GTF2F2: variants seen among roughly 807,000 people sequenced by gnomAD.
GTF2F2 encodes ATP-dependent helicase GTF2F2.
GTF2F2 carries 23 observed loss-of-function variants against 42.2 expected under a neutral mutation model. The ratio of observed to expected loss-of-function variants is 0.55; its 90% confidence interval spans 0.39 to 0.77. The LOEUF (loss-of-function observed/expected upper bound fraction) is 0.77. Among genes scored for constraint, GTF2F2 ranks in the 30% least tolerant of loss-of-function variants. GTF2F2 has a pLI of 0.00. For synonymous variants in GTF2F2, 105 were observed against 100.8 expected (o/e 1.04, Z -0.25); for missense variants, 261 against 287.2 (o/e 0.91, Z 0.66).
intron 1 of GTF2F2, among the ~76,000 whole-genome samples, chr13:45,132,272 G>A (rs181334609): frequency 9.9e-5 from 15 of 152,278 alleles, no homozygotes; most frequent in Admixed American, 5.2e-4. Context: ...TCTCACTGGC[G>A]ATAGTCAAGG....
intron 5 of GTF2F2, among the ~76,000 whole-genome samples, chr13:45,228,641 C>T (rs1874499545): frequency 6.7e-6 from 1 of 148,798 alleles, no homozygotes; most frequent in African/African-American, 2.6e-5. Flanking sequence ...TATCTCGCCT[C>T]ATTCTCCTTA....
At chr13:45,160,587 G>A (rs1203481148) in intron 4 of GTF2F2, among the ~76,000 whole-genome samples, 1 of 152,110 alleles carries the variant, frequency 6.6e-6, no homozygotes, top group East Asian at 1.9e-4. Context: ...TTTGAATGTT[G>A]ACACGTTTCA....
At chr13:45,161,503 C>G (rs751376897) in intron 4 of GTF2F2, among the ~76,000 whole-genome samples, 1 of 152,068 alleles carries the variant, frequency 6.6e-6, no homozygotes, top group South Asian at 2.1e-4. Flanking sequence ...GAACCTCATG[C>G]GTAACACTGA....
chr13:45,157,135 G>C (rs1566117423), intron 4 of GTF2F2, among the ~76,000 whole-genome samples: 1 of 152,182 alleles, frequency 6.6e-6, no homozygotes. Context: ...TAGCCATGTG[G>C]AGTGAGTTAG....
At chr13:45,238,100 C>T (rs1269237852) in intron 5 of GTF2F2, among the ~76,000 whole-genome samples, 3 of 152,116 alleles carry the variant, frequency 2.0e-5, no homozygotes, top group South Asian at 4.1e-4. Context: ...ATTACAGGTG[C>T]ACACCGCTGC....
chr13:45,121,394 T>C (rs1593438782), intron 1 of GTF2F2, among the ~76,000 whole-genome samples: 1 of 152,264 alleles, frequency 6.6e-6, no homozygotes, highest in East Asian at 1.9e-4. Flanking sequence ...GGGAGTTTCA[T>C]AATACTTAAG....
rs755893731 is a variant in GTF2F2 at position 45,207,490 on chromosome 13, A to G, written c.371A>G (p.Tyr124Cys). The change falls in exon 5 of 8, where the codon TAC (tyrosine) becomes TGC (cysteine). Residue 124 changes from tyrosine (Y) to cysteine (C), a missense_variant. Physicochemically the swap from Tyr to Cys is radical, Grantham distance 194. Coordinates refer to ENST00000340473, the MANE Select transcript of GTF2F2 (RefSeq NM_004128.3). ...AECRPAASEN[Y>C]MRLKRLQIEE... ...TGCCGACCAGCTGCCAGTGAAAACT[A>G]CATGCGATTAAAAAGGTTGGTGTTT... is the stretch of plus-strand genomic sequence containing the variant. 3.1e-6 allele frequency: 5 copies of G among 1,606,238 alleles called. No individual in the cohort carries two copies. In the South Asian group the frequency reaches 5.5e-5, roughly 18 times the overall value.
intron 3 of GTF2F2, among the ~76,000 whole-genome samples, chr13:45,150,841 G>A (rs1279448747): frequency 1.3e-5 from 2 of 151,826 alleles, no homozygotes; most frequent in Non-Finnish European, 2.9e-5. Flanking sequence ...ACTGCGCCCA[G>A]CCAGAAAAAA....
intron 1 of GTF2F2, among the ~76,000 whole-genome samples, chr13:45,135,689 T>C (rs1869584587): frequency 6.6e-6 from 1 of 152,212 alleles, no homozygotes; most frequent in Non-Finnish European, 1.5e-5. Context: ...AGTGGTCAAG[T>C]CGTGTTTTTT....
intron 4 of GTF2F2, among the ~76,000 whole-genome samples, chr13:45,196,373 C>T (rs1872891149): frequency 2.0e-5 from 3 of 152,302 alleles, no homozygotes; most frequent in Non-Finnish European, 4.4e-5. Flanking sequence ...ATAAGACTTA[C>T]TCTTATATTC....
intron 5 of GTF2F2, among the ~76,000 whole-genome samples, chr13:45,245,854 T>C (rs188660059): frequency 0.027 from 3,730 of 137,508 alleles, 179 homozygotes; most frequent in African/African-American, 0.091. Context: ...GGCAGGAGAA[T>C]GGCGTGAACC....
chr13:45,243,658 TG>T (rs1355726575), intron 5 of GTF2F2, among the ~76,000 whole-genome samples: 1 of 152,182 alleles, frequency 6.6e-6, no homozygotes, highest in African/African-American at 2.4e-5. Context: ...TTGTTGTTTT[TG>T]GGTTTTTTGT....
At chr13:45,178,369 A>T (rs1369276156) in intron 4 of GTF2F2, among the ~76,000 whole-genome samples, 2 of 145,004 alleles carry the variant, frequency 1.4e-5, no homozygotes, top group Non-Finnish European at 1.5e-5. Flanking sequence ...TAGATGTCTT[A>T]TGTGGTTCTT....
intron 5 of GTF2F2, among the ~76,000 whole-genome samples, chr13:45,248,428 TTTTTTGTTTTTTTG>T (rs1445820792): frequency 2.0e-5 from 3 of 151,988 alleles, no homozygotes; most frequent in Admixed American, 6.6e-5. Flanking sequence ...TTTTGTTTTG[TTTTTTGTTTTTTTG>T]TTTTTGTTTT....
chr13:45,195,314 C>T, intron 4 of GTF2F2, among the ~76,000 whole-genome samples: 1 of 151,744 alleles, frequency 6.6e-6, no homozygotes, highest in African/African-American at 2.4e-5. Flanking sequence ...ATAGGCTTTA[C>T]AGTAATCACT....
intron 5 of GTF2F2, among the ~76,000 whole-genome samples, chr13:45,220,553 G>A (rs1404117398): frequency 6.6e-6 from 1 of 152,062 alleles, no homozygotes; most frequent in Non-Finnish European, 1.5e-5. Context: ...GATAAAGAGT[G>A]GAGGGAGGGC....
intron 4 of GTF2F2, among the ~76,000 whole-genome samples, chr13:45,199,433 G>A (rs541096450): frequency 1.1e-4 from 17 of 152,292 alleles, no homozygotes; most frequent in African/African-American, 4.1e-4. Flanking sequence ...TGTTTTACAT[G>A]TACTTTGGAA....
chr13:45,185,452 T>C (rs1397837244), intron 4 of GTF2F2, among the ~76,000 whole-genome samples: 2 of 152,236 alleles, frequency 1.3e-5, no homozygotes, highest in East Asian at 3.8e-4. Flanking sequence ...TGTAAGCACA[T>C]GTAGACTTAC....
intron 4 of GTF2F2, among the ~76,000 whole-genome samples, chr13:45,164,933 C>T (rs950553705): frequency 1.3e-5 from 2 of 152,174 alleles, no homozygotes; most frequent in African/African-American, 2.4e-5. Context: ...TTTACATTCT[C>T]ATAACTATTT....
Sources: gnomAD v4.1 joint callset for allele counts (sites outside exome capture counted in the v4.1 genomes callset) on GRCh38, gnomAD v4.1.1 for gene constraint, MANE v1.5 for transcripts, NCBI Gene and HGNC (gene_info 2026-07-23, HGNC 2026-07-21) for gene names.